ELAVL4: variants seen among roughly 807,000 people sequenced by gnomAD.
ELAVL4 encodes ELAV like RNA binding protein 4, also known as ELAV-like protein 4.
Under a neutral mutation model 35.6 loss-of-function variants are expected in ELAVL4, and 1 was observed. The observed-to-expected ratio is 0.03, with a 90% CI of 0.01 to 0.13. ELAVL4 has a LOEUF of 0.13. Ranked by LOEUF, ELAVL4 falls within the 10% of genes least tolerant of loss-of-function variation. ELAVL4 has a pLI of 1.00. For synonymous variants in ELAVL4, 156 were observed against 171.0 expected (o/e 0.91, Z 0.69); for missense variants, 267 against 464.9 (o/e 0.57, Z 3.91).
At chr1:50,074,077 G>A (rs1664650398) in intron 1 of ELAVL4, among the ~76,000 whole-genome samples, 2 of 152,342 alleles carry the variant, frequency 1.3e-5, no homozygotes, top group Middle Eastern at 3.4e-3. Flanking sequence ...TACTGGTAAA[G>A]CTTCAAGATC....
At chr1:50,144,155 A>C (rs1483367587) in intron 1 of ELAVL4, among the ~76,000 whole-genome samples, 2 of 152,164 alleles carry the variant, frequency 1.3e-5, no homozygotes, top group Admixed American at 6.5e-5. Context: ...TCATTTCTTT[A>C]TTCTCATACG....
intron 1 of ELAVL4, among the ~76,000 whole-genome samples, chr1:50,076,750 AAGAG>A (rs1378996993): frequency 6.6e-6 from 1 of 152,154 alleles, no homozygotes; most frequent in Non-Finnish European, 1.5e-5. Context: ...AATGGGAAGA[AAGAG>A]AGAGGGGGAG....
intron 1 of ELAVL4, among the ~76,000 whole-genome samples, chr1:50,115,488 T>C (rs1477167246): frequency 1.3e-5 from 2 of 152,124 alleles, no homozygotes; most frequent in Non-Finnish European, 2.9e-5. Flanking sequence ...CCTTGGACTC[T>C]TCATTTGAAA....
intron 2 of ELAVL4, among the ~76,000 whole-genome samples, chr1:50,154,251 T>C (rs551512144): frequency 1.3e-5 from 2 of 152,320 alleles, no homozygotes; most frequent in Admixed American, 1.3e-4. Context: ...CCTTCTACTT[T>C]GCTAGTAACT....
chr1:50,165,920 G>A (rs1423042846), intron 2 of ELAVL4, among the ~76,000 whole-genome samples: 3 of 151,840 alleles, frequency 2.0e-5, no homozygotes, highest in African/African-American at 4.8e-5. Flanking sequence ...GAGGAGCAAG[G>A]AGAGCCAGTT....
chr1:50,095,160 A>G (rs1447957876), intron 1 of ELAVL4, among the ~76,000 whole-genome samples: 1 of 152,146 alleles, frequency 6.6e-6, no homozygotes, highest in Non-Finnish European at 1.5e-5. Flanking sequence ...GGACTTGCCT[A>G]AGGTCACATA....
intron 1 of ELAVL4, among the ~76,000 whole-genome samples, chr1:50,087,415 C>T (rs573408813): frequency 6.6e-6 from 1 of 152,262 alleles, no homozygotes; most frequent in African/African-American, 2.4e-5. Context: ...GTATAGTTTA[C>T]AACTGTGGCT....
chr1:50,086,635 T>C (rs1330654392), intron 1 of ELAVL4, among the ~76,000 whole-genome samples: 2 of 152,046 alleles, frequency 1.3e-5, no homozygotes, highest in Admixed American at 6.6e-5. Flanking sequence ...GCAATGGAAT[T>C]AATGTTTTAA....
At chr1:50,189,832 GAGACTTATCA>G (rs1291389362) in intron 3 of ELAVL4, among the ~76,000 whole-genome samples, 5 of 152,202 alleles carry the variant, frequency 3.3e-5, no homozygotes, top group African/African-American at 1.2e-4. Context: ...CAAAGATGTT[GAGACTTATCA>G]AGATCAAATT....
chr1:50,110,417 T>C (rs923165572), intron 1 of ELAVL4, among the ~76,000 whole-genome samples: 1 of 152,140 alleles, frequency 6.6e-6, no homozygotes, highest in African/African-American at 2.4e-5. Context: ...TACCAGCCGA[T>C]GCAATTGTGA....
chr1:50,098,042 A>G (rs1665791195), intron 1 of ELAVL4, among the ~76,000 whole-genome samples: 1 of 152,226 alleles, frequency 6.6e-6, no homozygotes, highest in South Asian at 2.1e-4. Flanking sequence ...AATGGTATGC[A>G]TAACATATAT....
intron 1 of ELAVL4, among the ~76,000 whole-genome samples, chr1:50,091,019 T>G (rs1457588716): frequency 6.6e-6 from 1 of 152,070 alleles, no homozygotes; most frequent in Non-Finnish European, 1.5e-5. Flanking sequence ...TGGAGTAAGG[T>G]GGGGGAAATT....
chr1:50,119,903 G>A (rs1374774925), intron 1 of ELAVL4, among the ~76,000 whole-genome samples: 2 of 151,720 alleles, frequency 1.3e-5, no homozygotes, highest in Non-Finnish European at 2.9e-5. Context: ...AGAAAATAAA[G>A]CTTAGCCACT....
intron 1 of ELAVL4, chr1:50,048,303 C>G: frequency 7.9e-7 from 1 of 1,272,360 alleles, no homozygotes. Context: ...CACCCCGACT[C>G]CCAGGGAGGG....
intron 3 of ELAVL4, chr1:50,181,330 A>G (rs1160286510): frequency 1.3e-5 from 2 of 152,294 alleles, no homozygotes; most frequent in African/African-American, 4.8e-5. Flanking sequence ...TCTTTAGTAA[A>G]CAGACATGGC....
At position 50,193,897 on chromosome 1, in the gene ELAVL4, A is replaced by G. The variant is rs370062289; in HGVS notation, c.487A>G (p.Ile163Val). The part of the protein sequence containing the change: ...SQYGRIITSR[I>V]LVDQVTGVSR... ...ATACGGCCGTATCATCACCTCACGA[A>G]TCCTGGTTGATCAAGTCACAGGTTA... The change falls in exon 4 of 7, where the codon ATC becomes GTC. Residue 163 changes from isoleucine (I) to valine (V), a missense_variant. This residue lies in a region of ELAVL4 where 216 missense variants were observed against 409.5 expected (regional missense o/e 0.53). Coordinates refer to ENST00000371824, the MANE Select transcript of ELAVL4 (RefSeq NM_001144774.3). 1 of 1,613,986 alleles carries G rather than the reference A, an allele frequency of 6.2e-7. No individual in the cohort carries two copies. Among genetic ancestry groups the G allele is most frequent in the Non-Finnish European group, 8.5e-7 (1 of 1,179,940 alleles).
rs772277106 is a variant in ELAVL4, at chr1:50,195,689, C to T, written c.637C>T (p.Pro213Ser). Residue 213 changes from proline (P) to serine (S), a missense_variant, in exon 5 of 7, where the codon CCC becomes TCC. Physicochemically the swap from Pro to Ser is moderately conservative, Grantham distance 74. Around this residue, in one of 2 missense-constraint regions of ELAVL4, gnomAD observed 216 missense variants for 409.5 expected, o/e 0.53. Coordinates refer to ENST00000371824, the MANE Select transcript of ELAVL4 (RefSeq NM_001144774.3). The stretch of plus-strand genomic sequence containing the variant: ...GATTACTGTGAAGTTTGCCAACAAC[C>T]CCAGCCAGAAGTCCAGCCAGGCCCT... ...EPITVKFANNPSQKSSQALLS... is the reference protein window; with the variant it reads ...EPITVKFANNSSQKSSQALLS... 2 of 1,614,114 alleles carry T rather than the reference C, an allele frequency of 1.2e-6. No homozygotes were observed. Among genetic ancestry groups the T allele is most frequent in the Non-Finnish European group, 1.7e-6 (2 of 1,180,000 alleles).
intron 3 of ELAVL4, among the ~76,000 whole-genome samples, chr1:50,183,207 A>G (rs1557848168): frequency 6.6e-6 from 1 of 152,128 alleles, no homozygotes; most frequent in Non-Finnish European, 1.5e-5. Context: ...TGACTTAGTG[A>G]CTTACCTTTT....
Position 50,200,495 on chromosome 1 carries a change from A to C in ELAVL4, c.774-356A>C, listed in dbSNP as rs180905654. On this transcript the variant is annotated intron_variant, in intron 6 of 6. Transcript: ENST00000371824. ...CCTTTCCTCCAAGAGCACATTGTCT[A>C]TTGTTGGGGTGGGGTGGAGTCGGGG... Among the ~76,000 whole-genome samples the C allele has an allele frequency of 1.4e-3, 193 of 138,306 alleles. 2 individuals carry two copies. In the South Asian group the frequency reaches 0.023, roughly 17 times the overall value. The allele number at this position is 138,306 out of a possible 152,430, so 90.7% of individuals were successfully genotyped here.
Sources: gnomAD v4.1 joint callset for allele counts (sites outside exome capture counted in the v4.1 genomes callset) on GRCh38, gnomAD v4.1.1 for gene constraint, gnomAD v4.1.1 regional missense constraint, MANE v1.5 for transcripts, NCBI Gene and HGNC (gene_info 2026-07-23, HGNC 2026-07-21) for gene names.